Variants in ANKFN1 observed in about 807,000 individuals in gnomAD.
ANKFN1 encodes ankyrin repeat and fibronectin type-III domain-containing protein 1.
In ANKFN1, 74 loss-of-function variants were observed where a neutral mutation model predicts 108.7. The observed-to-expected ratio is 0.68, with a 90% CI of 0.56 to 0.83. ANKFN1 has a LOEUF of 0.83. Ranked by LOEUF, ANKFN1 falls within the 40% of genes least tolerant of loss-of-function variation. ANKFN1 has a pLI of 0.00. For synonymous variants in ANKFN1, 547 were observed against 516.2 expected, an observed-to-expected ratio of 1.06 and a Z score of -0.81; for missense variants, 1,505 against 1,382.3, an observed-to-expected ratio of 1.09 and a Z score of -1.41.
intron 4 of ANKFN1, among the ~76,000 whole-genome samples, chr17:56,348,874 TG>T (rs1236919956): frequency 2.6e-5 from 4 of 152,092 alleles, no homozygotes; most frequent in Middle Eastern, 3.2e-3. Context: ...ATCCCAATAC[TG>T]GGCATACACC....
chr17:56,428,041 T>C (rs897652768), intron 8 of ANKFN1, among the ~76,000 whole-genome samples: 9 of 152,046 alleles, frequency 5.9e-5, no homozygotes, highest in African/African-American at 1.9e-4. Context: ...AAGACCAGCC[T>C]GGCCAACATG....
At chr17:56,451,446 A>AT (rs563339910) in intron 11 of ANKFN1, among the ~76,000 whole-genome samples, 1 of 152,204 alleles carries the variant, frequency 6.6e-6, no homozygotes, top group African/African-American at 2.4e-5. Flanking sequence ...AGAATTACAA[A>AT]TTTTTTTTAT....
chr17:56,145,565 T>A (rs1203608076), intron 4 of ANKFN1, among the ~76,000 whole-genome samples: 1 of 152,118 alleles, frequency 6.6e-6, no homozygotes, highest in African/African-American at 2.4e-5. Flanking sequence ...TAACTCACTG[T>A]CACAATAATA....
chr17:56,071,537 G>A (rs1383795648), intron 4 of ANKFN1, among the ~76,000 whole-genome samples: 1 of 152,164 alleles, frequency 6.6e-6, no homozygotes, highest in Non-Finnish European at 1.5e-5. Context: ...TATCAACTGG[G>A]TTGACTTTTC....
chr17:56,084,697 A>C (rs73325625), intron 4 of ANKFN1, among the ~76,000 whole-genome samples: 3,882 of 148,304 alleles, frequency 0.026, 232 homozygotes, highest in African/African-American at 0.093. Flanking sequence ...AATATACCTC[A>C]TGCTATTCTT....
chr17:56,324,190 A>C (rs1254142318), intron 3 of ANKFN1, among the ~76,000 whole-genome samples: 1 of 152,188 alleles, frequency 6.6e-6, no homozygotes, highest in Non-Finnish European at 1.5e-5. Context: ...TTGGCTAGAG[A>C]GATAGGAAGA....
intron 6 of ANKFN1, 97 bp from the exon 7 acceptor site, chr17:56,372,549 T>G (rs2046838378): frequency 2.6e-6 from 3 of 1,138,712 alleles, no homozygotes; most frequent in Non-Finnish European, 3.7e-6. Flanking sequence ...ATTTTTTTTT[T>G]TTTTTTCAAA....
intron 10 of ANKFN1, among the ~76,000 whole-genome samples, chr17:56,446,057 A>G (rs1035538428): frequency 1.3e-5 from 2 of 152,222 alleles, no homozygotes; most frequent in Non-Finnish European, 2.9e-5. Context: ...CCAAACATCT[A>G]TGAGAAAAAC....
intron 8 of ANKFN1, among the ~76,000 whole-genome samples, chr17:56,411,685 T>C (rs1293244708): frequency 6.6e-6 from 1 of 152,200 alleles, no homozygotes; most frequent in Non-Finnish European, 1.5e-5. Context: ...TTGTGGAGAC[T>C]TTTTATCATG....
chr17:56,180,420 G>C (rs1911584892), intron 1 of ANKFN1, among the ~76,000 whole-genome samples: 1 of 152,098 alleles, frequency 6.6e-6, no homozygotes, highest in Non-Finnish European at 1.5e-5. Context: ...CAAACCCTAA[G>C]ATTCAGGCTA....
intron 1 of ANKFN1, among the ~76,000 whole-genome samples, chr17:56,169,988 C>T (rs1049705169): frequency 6.6e-6 from 1 of 152,098 alleles, no homozygotes; most frequent in Admixed American, 6.5e-5. Flanking sequence ...CTGATCAGGT[C>T]GATCTGGTAA....
chr17:56,277,575 C>T (rs912493403), intron 3 of ANKFN1, among the ~76,000 whole-genome samples: 1 of 152,030 alleles, frequency 6.6e-6, no homozygotes, highest in Admixed American at 6.6e-5. Flanking sequence ...GTTCCCATTA[C>T]AGAGGATGTC....
chr17:56,489,324 T>A (rs1312867755), intron 18 of ANKFN1, among the ~76,000 whole-genome samples: 1 of 152,194 alleles, frequency 6.6e-6, no homozygotes, highest in Non-Finnish European at 1.5e-5. Context: ...ATTCACATTT[T>A]TAAAAATTAG....
At chr17:56,055,480 GTA>G (rs1369920566) in intron 4 of ANKFN1, among the ~76,000 whole-genome samples, 11 of 144,450 alleles carry the variant, frequency 7.6e-5, no homozygotes, top group African/African-American at 2.3e-4. Flanking sequence ...ATGTCTGTGT[GTA>G]TATATATATG....
At chr17:56,495,042 A>G (rs1052362214) in intron 19 of ANKFN1, among the ~76,000 whole-genome samples, 1 of 152,148 alleles carries the variant, frequency 6.6e-6, no homozygotes, top group Non-Finnish European at 1.5e-5. Flanking sequence ...CAGGCTGGGA[A>G]TTCTTCAAAG....
At chr17:56,295,196 C>T (rs2044473441) in intron 3 of ANKFN1, among the ~76,000 whole-genome samples, 1 of 152,166 alleles carries the variant, frequency 6.6e-6, no homozygotes, top group African/African-American at 2.4e-5. Context: ...ATGAAAGACT[C>T]GGTTTGAAGT....
intron 1 of ANKFN1, among the ~76,000 whole-genome samples, chr17:56,175,859 A>G (rs1411269849): frequency 6.8e-6 from 1 of 146,310 alleles, no homozygotes; most frequent in Admixed American, 6.9e-5. Context: ...TGATGCAGCC[A>G]CAGTTTACAC....
intron 3 of ANKFN1, chr17:56,254,292 A>G (rs2043305306): frequency 6.6e-6 from 1 of 152,328 alleles, no homozygotes; most frequent in Middle Eastern, 3.4e-3. Context: ...GTTTTTACCA[A>G]TTTTAAAGTT....
chr17:56,359,116 C>T (rs1222518227), intron 6 of ANKFN1, among the ~76,000 whole-genome samples: 1 of 152,156 alleles, frequency 6.6e-6, no homozygotes, highest in East Asian at 1.9e-4. Flanking sequence ...ATAGTAGATG[C>T]TCAGAAAATT....
Sources: gnomAD v4.1 joint callset for allele counts (sites outside exome capture counted in the v4.1 genomes callset) on GRCh38, gnomAD v4.1.1 for gene constraint, MANE v1.5 for transcripts, NCBI Gene and HGNC (gene_info 2026-07-23, HGNC 2026-07-21) for gene names.